CD247: variants seen among roughly 807,000 people sequenced by gnomAD.
The protein encoded by CD247 is CD247 molecule, also known as T-cell surface glycoprotein CD3 zeta chain.
Under a neutral mutation model 30.0 loss-of-function variants are expected in CD247, and 13 were observed. The observed-to-expected ratio is 0.43, with a 90% CI of 0.28 to 0.69. The LOEUF (loss-of-function observed/expected upper bound fraction) is 0.69. CD247 is among the 30% of genes least tolerant of loss of function. The pLI is 0.16. For synonymous variants in CD247, 72 were observed against 80.0 expected (o/e 0.90, Z 0.53); for missense variants, 193 against 212.6 (o/e 0.91, Z 0.57).
At chr1:167,441,838 C>T (rs999863083) in intron 1 of CD247, among the ~76,000 whole-genome samples, 4 of 152,200 alleles carry the variant, frequency 2.6e-5, no homozygotes, top group Admixed American at 6.5e-5. Flanking sequence ...GGGCTGGGGG[C>T]GGTGGCTCAC....
At chr1:167,484,013 G>C (rs10918699) in intron 1 of CD247, among the ~76,000 whole-genome samples, 1 of 152,096 alleles carries the variant, frequency 6.6e-6, no homozygotes, top group Admixed American at 6.5e-5. Flanking sequence ...CTCTGCCACC[G>C]CTGGTGCCGT....
chr1:167,464,240 C>T (rs12038168), intron 1 of CD247, among the ~76,000 whole-genome samples: 4,673 of 152,214 alleles, frequency 0.031, 163 homozygotes, highest in East Asian at 0.16. Context: ...GCAGATGCCA[C>T]TCTCCTTGAA....
intron 1 of CD247, among the ~76,000 whole-genome samples, chr1:167,476,011 A>G: frequency 6.6e-6 from 1 of 152,148 alleles, no homozygotes; most frequent in Non-Finnish European, 1.5e-5. Context: ...TTTTCTTTAA[A>G]GGGTGCTTAT....
rs751981677 is a variant in CD247 at position 167,433,056 on chromosome 1, G to A, written c.397C>T (p.Arg133Trp). 109 of 1,614,198 alleles carry A rather than the reference G, an allele frequency of 6.8e-5. 3 individuals carry two copies. The South Asian group carries it at 9.1e-4, about 13-fold the overall frequency. ...YSEIGMKGER[R>W]RGKGHDGLYQ... ...AGGCCATCGTGCCCCTTGCCCCTCCGGCGCTGGTTGTTTGGGAGTGAAATG... is the reference window on the plus strand; with the variant it reads ...AGGCCATCGTGCCCCTTGCCCCTCCAGCGCTGGTTGTTTGGGAGTGAAATG... The change falls in exon 7 of 8, where the codon CGG becomes TGG. Residue 133 changes from arginine (R) to tryptophan (W), a missense_variant. Coordinates refer to ENST00000362089, the MANE Select transcript of CD247 (RefSeq NM_198053.3).
At chr1:167,459,295 T>C (rs898254782) in intron 1 of CD247, among the ~76,000 whole-genome samples, 2 of 152,098 alleles carry the variant, frequency 1.3e-5, no homozygotes, top group Admixed American at 1.3e-4. Flanking sequence ...ATTGTTAATT[T>C]TTTTTAAAGG....
chr1:167,433,398 C>T (rs1055145045), intron 6 of CD247, among the ~76,000 whole-genome samples: 1 of 152,182 alleles, frequency 6.6e-6, no homozygotes, highest in African/African-American at 2.4e-5. Flanking sequence ...CTTGGCTAGT[C>T]ATTTTTGCTC....
chr1:167,447,839 G>A (rs1652158948), intron 1 of CD247, among the ~76,000 whole-genome samples: 1 of 152,058 alleles, frequency 6.6e-6, no homozygotes, highest in African/African-American at 2.4e-5. Context: ...CCCCAACTTT[G>A]AGCCCTGAGT....
chr1:167,443,637 GT>G (rs1358118283), intron 1 of CD247, among the ~76,000 whole-genome samples: 2 of 152,192 alleles, frequency 1.3e-5, no homozygotes, highest in African/African-American at 4.8e-5. Flanking sequence ...ATATTTCTTT[GT>G]GTTGTGCAGA....
At chr1:167,511,680 T>C (rs552429360) in intron 1 of CD247, among the ~76,000 whole-genome samples, 190 of 152,290 alleles carry the variant, frequency 1.2e-3, no homozygotes, top group African/African-American at 4.2e-3. Flanking sequence ...GTAAGGGGAA[T>C]ACCTTTAGAA....
At chr1:167,460,777 C>G (rs1177369657) in intron 1 of CD247, among the ~76,000 whole-genome samples, 1 of 152,148 alleles carries the variant, frequency 6.6e-6, no homozygotes, top group Non-Finnish European at 1.5e-5. Flanking sequence ...GTGTGATGTT[C>G]CCCGCCCTGT....
intron 1 of CD247, among the ~76,000 whole-genome samples, chr1:167,514,902 G>A (rs1375861526): frequency 2.0e-5 from 3 of 152,098 alleles, no homozygotes; most frequent in African/African-American, 7.2e-5. Context: ...GGTAACTTTT[G>A]ACTGGAAAAG....
At chr1:167,481,714 ACATTGCAAATGGCACCACTGTCCC>A (rs1653980521) in intron 1 of CD247, among the ~76,000 whole-genome samples, 1 of 152,242 alleles carries the variant, frequency 6.6e-6, no homozygotes, top group Non-Finnish European at 1.5e-5. Context: ...AGATGGAGCC[ACATTGCAAATGGCACCACTGTCCC>A]CATTTCCTCC....
At chr1:167,449,695 GGC>G in intron 1 of CD247, among the ~76,000 whole-genome samples, 2 of 152,066 alleles carry the variant, frequency 1.3e-5, no homozygotes, top group Non-Finnish European at 2.9e-5. Flanking sequence ...GGCCGAGGTG[GGC>G]AGATCGCCTG....
intron 1 of CD247, among the ~76,000 whole-genome samples, chr1:167,490,350 C>T (rs1316531416): frequency 6.6e-6 from 1 of 152,208 alleles, no homozygotes; most frequent in Admixed American, 6.5e-5. Flanking sequence ...TGAGGCCGGG[C>T]GCGGTGGCTC....
chr1:167,479,666 A>C (rs150838948), intron 1 of CD247, among the ~76,000 whole-genome samples: 3 of 152,080 alleles, frequency 2.0e-5, no homozygotes, highest in Non-Finnish European at 4.4e-5. Context: ...CTGTGTCCCC[A>C]GTCCACATCT....
At chr1:167,481,168 T>G (rs1431047723) in intron 1 of CD247, among the ~76,000 whole-genome samples, 1 of 152,184 alleles carries the variant, frequency 6.6e-6, no homozygotes, top group Non-Finnish European at 1.5e-5. Flanking sequence ...GTTCATGTGG[T>G]CTCAGCTACT....
Position 167,440,770 on chromosome 1 carries a change from G to A in CD247, c.59-3C>T. 6.2e-7 allele frequency: 1 copy of A among 1,606,282 alleles called. No individual in the cohort carries two copies. Among genetic ancestry groups the A allele is most frequent in the African/African-American group, 1.3e-5 (1 of 74,958 alleles). On this transcript the variant is annotated splice_region_variant and splice_polypyrimidine_tract_variant and intron_variant, in intron 1 of 7. Transcript: ENST00000362089. ...CAGCAGGCCAAAGCTCTGTGCCTCT[G>A]TGCCAAGAGATAAAGCTGGTCAGCC...
intron 5 of CD247, chr1:167,434,966 G>A (rs754775487): frequency 6.2e-5 from 14 of 227,586 alleles, no homozygotes; most frequent in African/African-American, 4.3e-4. Flanking sequence ...CCCTTCCTCC[G>A]GAGCCCTCCT....
chr1:167,459,028 G>A (rs1224029578), intron 1 of CD247, among the ~76,000 whole-genome samples: 2 of 151,686 alleles, frequency 1.3e-5, no homozygotes, highest in African/African-American at 2.4e-5. Flanking sequence ...CCAGCTACTC[G>A]GGAGGTTGAG....
Sources: gnomAD v4.1 joint callset for allele counts (sites outside exome capture counted in the v4.1 genomes callset) on GRCh38, gnomAD v4.1.1 for gene constraint, MANE v1.5 for transcripts, NCBI Gene and HGNC (gene_info 2026-07-23, HGNC 2026-07-21) for gene names.